MAP4K3: variants seen among roughly 807,000 people sequenced by gnomAD.
MAP4K3 encodes the protein mitogen-activated protein kinase kinase kinase kinase 3, also known as MAPK/ERK kinase kinase kinase 3.
In MAP4K3, 94 loss-of-function variants were observed where a neutral mutation model predicts 143.5. The ratio of observed to expected loss-of-function variants is 0.65; its 90% CI spans 0.55 to 0.78. The LOEUF is 0.78. MAP4K3 is among the 30% of genes least tolerant of loss of function. The probability of loss-of-function intolerance (pLI) is 0.00; values close to 1 mark genes in which losing one functional copy is unlikely to be tolerated. For synonymous variants in MAP4K3, 416 were observed against 347.2 expected, an observed-to-expected ratio of 1.20 and a Z score of -2.20; for missense variants, 1,077 against 1,068.1, an observed-to-expected ratio of 1.01 and a Z score of -0.12.
At chr2:39,406,281 A>C (rs1667090382) in intron 1 of MAP4K3, among the ~76,000 whole-genome samples, 1 of 152,198 alleles carries the variant, frequency 6.6e-6, no homozygotes, top group African/African-American at 2.4e-5. Context: ...TGGCCTTAAA[A>C]AGGAGGTAGA....
intron 12 of MAP4K3, among the ~76,000 whole-genome samples, chr2:39,318,812 A>G (rs1477064911): frequency 6.6e-6 from 1 of 152,182 alleles, no homozygotes; most frequent in East Asian, 1.9e-4. Flanking sequence ...ATCATCAAAT[A>G]ATATAAATAC....
At chr2:39,267,946 C>G (rs971143175) in intron 26 of MAP4K3, among the ~76,000 whole-genome samples, 20 of 151,982 alleles carry the variant, frequency 1.3e-4, no homozygotes, top group African/African-American at 4.4e-4. Context: ...TTTGGTTTAC[C>G]AAAAGATATC....
chr2:39,430,373 T>C (rs1042281480), intron 1 of MAP4K3, among the ~76,000 whole-genome samples: 2 of 152,166 alleles, frequency 1.3e-5, no homozygotes, highest in African/African-American at 4.8e-5. Flanking sequence ...AGGTAGGCAG[T>C]ACATTATTAC....
intron 3 of MAP4K3, among the ~76,000 whole-genome samples, chr2:39,349,260 A>G (rs906148593): frequency 6.6e-6 from 1 of 152,210 alleles, no homozygotes; most frequent in Non-Finnish European, 1.5e-5. Context: ...AAATTTTTAA[A>G]CTTTTTTGGT....
intron 22 of MAP4K3, among the ~76,000 whole-genome samples, chr2:39,281,828 AT>A (rs1681543510): frequency 6.6e-6 from 1 of 150,812 alleles, no homozygotes. Context: ...TAAATTACAA[AT>A]ATAAAGTATA....
chr2:39,291,687 C>A (rs1682052673), intron 18 of MAP4K3, among the ~76,000 whole-genome samples: 1 of 151,910 alleles, frequency 6.6e-6, no homozygotes, highest in Non-Finnish European at 1.5e-5. Flanking sequence ...GGAGTTCGAG[C>A]CCAGCCTGGA....
chr2:39,408,006 T>G (rs1667141167), intron 1 of MAP4K3, among the ~76,000 whole-genome samples: 1 of 152,084 alleles, frequency 6.6e-6, no homozygotes, highest in African/African-American at 2.4e-5. Context: ...TCCACTGTTT[T>G]GTGCAGATGC....
At chr2:39,267,124 ACT>A in intron 27 of MAP4K3, 63 bp downstream of exon 27, 1 of 1,461,430 alleles carries the variant, frequency 6.8e-7, no homozygotes, top group Non-Finnish European at 9.6e-7. Flanking sequence ...CTGGGGTAGT[ACT>A]GTTTTATGCC....
intron 3 of MAP4K3, among the ~76,000 whole-genome samples, chr2:39,350,121 A>G (rs1665410576): frequency 6.6e-6 from 1 of 152,196 alleles, no homozygotes; most frequent in African/African-American, 2.4e-5. Context: ...GCGCAGGACT[A>G]TCTCCCACAA....
chr2:39,427,885 A>T (rs1665144927), intron 1 of MAP4K3, among the ~76,000 whole-genome samples: 1 of 152,150 alleles, frequency 6.6e-6, no homozygotes. Context: ...CACATTTCCC[A>T]ATATGTCTCC....
intron 1 of MAP4K3, among the ~76,000 whole-genome samples, chr2:39,395,657 T>C (rs1395506917): frequency 6.6e-6 from 1 of 152,226 alleles, no homozygotes; most frequent in African/African-American, 2.4e-5. Context: ...CCATTTACTG[T>C]GACATAACAA....
At chr2:39,350,464 C>T (rs894263732) in intron 3 of MAP4K3, among the ~76,000 whole-genome samples, 2 of 152,130 alleles carry the variant, frequency 1.3e-5, no homozygotes, top group African/African-American at 4.8e-5. Context: ...CTAGAAAGTT[C>T]CCTTTTTTAA....
At chr2:39,296,477 T>G (rs1682286446) in intron 16 of MAP4K3, among the ~76,000 whole-genome samples, 2 of 152,214 alleles carry the variant, frequency 1.3e-5, no homozygotes, top group Admixed American at 6.5e-5. Flanking sequence ...TTTCAGATGC[T>G]GAATTCTAAG....
At chr2:39,272,653 A>G in intron 24 of MAP4K3, 111 bp from the exon 25 acceptor site, 1 of 764,120 alleles carries the variant, frequency 1.3e-6, no homozygotes, top group Non-Finnish European at 2.2e-6. Context: ...CTTTAAAAGT[A>G]AATTATTTTT....
intron 3 of MAP4K3, among the ~76,000 whole-genome samples, chr2:39,349,845 C>A (rs558860851): frequency 1.8e-3 from 271 of 152,226 alleles, no homozygotes; most frequent in African/African-American, 6.2e-3. Context: ...TTTCAATACA[C>A]CCATTTTTTT....
chr2:39,280,387 C>T (rs952021773), intron 22 of MAP4K3, 31 bp from the exon 23 acceptor site: 2 of 1,311,550 alleles, frequency 1.5e-6, no homozygotes, highest in African/African-American at 2.9e-5. Context: ...CAATATGAAA[C>T]AGTGACAAGT....
At chr2:39,337,919 C>A (rs1298200158) in intron 4 of MAP4K3, among the ~76,000 whole-genome samples, 1 of 151,876 alleles carries the variant, frequency 6.6e-6, no homozygotes, top group East Asian at 1.9e-4. Context: ...GCCACCACAC[C>A]TGGCTAGTTT....
chr2:39,373,312 A>T (rs1427656013), intron 2 of MAP4K3, among the ~76,000 whole-genome samples: 1 of 152,220 alleles, frequency 6.6e-6, no homozygotes, highest in Non-Finnish European at 1.5e-5. Context: ...ATGTGGAGAA[A>T]AGGGAACCCT....
intron 2 of MAP4K3, among the ~76,000 whole-genome samples, chr2:39,357,451 T>C (rs1341758623): frequency 1.3e-5 from 2 of 152,214 alleles, no homozygotes; most frequent in Non-Finnish European, 2.9e-5. Flanking sequence ...TTTCTGGCCT[T>C]GGCATTTTGC....
Sources: allele counts gnomAD v4.1 joint callset (sites outside exome capture counted in the v4.1 genomes callset), GRCh38; gene constraint gnomAD v4.1.1; transcripts MANE v1.5; gene names NCBI Gene and HGNC (gene_info 2026-07-23, HGNC 2026-07-21).